ZNF474: variants seen among roughly 807,000 people sequenced by gnomAD.
ZNF474 encodes zinc finger protein 474.
For missense variants in ZNF474, 511 were observed against 433.8 expected (o/e 1.18, Z -1.58); for synonymous variants, 192 against 162.2 (o/e 1.18, Z -1.39).
chr5:122,140,043 G>GT (rs1755797135), intron 1 of ZNF474, among the ~76,000 whole-genome samples: 1 of 152,160 alleles, frequency 6.6e-6, no homozygotes, highest in East Asian at 1.9e-4. Context: ...CCTAGAAGCT[G>GT]GGCTAACCAC....
chr5:122,141,275 C>T (rs566404766), intron 1 of ZNF474, among the ~76,000 whole-genome samples: 5 of 148,198 alleles, frequency 3.4e-5, no homozygotes, highest in Non-Finnish European at 5.9e-5. Flanking sequence ...TTCAGACACC[C>T]GAGTAGCTGG....
At chr5:122,138,517 T>C (rs1223937152) in intron 1 of ZNF474, among the ~76,000 whole-genome samples, 1 of 152,172 alleles carries the variant, frequency 6.6e-6, no homozygotes, top group African/African-American at 2.4e-5. Flanking sequence ...CGAAGAGTAG[T>C]GAGGACTGGA....
chr5:122,153,158 C>T lies in ZNF474; in HGVS notation c.*73C>T. ...TATTTTTTCTATCAATGCCTTGTAT[C>T]AGCCTCAAAGCAGCCTGTTCAAGTT... On this transcript the variant is annotated 3_prime_UTR_variant, in exon 2 of 2. Coordinates refer to ENST00000296600, the MANE Select transcript of ZNF474 (RefSeq NM_207317.3). The T allele has an allele frequency of 6.5e-7, 1 of 1,530,810 alleles. No homozygotes were observed. Among genetic ancestry groups the T allele is most frequent in the Non-Finnish European group, 8.8e-7 (1 of 1,141,494 alleles). The allele number at this position is 1,530,810 out of a possible 1,614,324, so 94.8% of individuals were successfully genotyped here.
chr5:122,148,857 C>T (rs1208356374), intron 1 of ZNF474, among the ~76,000 whole-genome samples: 1 of 151,944 alleles, frequency 6.6e-6, no homozygotes, highest in Non-Finnish European at 1.5e-5. Context: ...CTGTCTCAGC[C>T]TCCTGAGTAG....
chr5:122,142,524 G>A (rs1755873248), intron 1 of ZNF474, among the ~76,000 whole-genome samples: 1 of 152,138 alleles, frequency 6.6e-6, no homozygotes, highest in South Asian at 2.1e-4. Context: ...CACATTGCAT[G>A]TTTGTTTGGG....
At chr5:122,148,113 A>G (rs1756038897) in intron 1 of ZNF474, 1 of 152,214 alleles carries the variant, frequency 6.6e-6, no homozygotes, top group South Asian at 2.1e-4. Flanking sequence ...AAGTATATGC[A>G]TTTAGTATTT....
In ZNF474 at chr5:122,151,848, T is replaced by G; in HGVS notation, c.-143T>G. 1.0e-6 allele frequency: 1 copy of G among 983,964 alleles called. No individual in the cohort carries two copies. The highest frequency in any genetic ancestry group is 2.5e-5 in the East Asian group (1 of 40,066). The allele number at this position is 983,964 out of a possible 1,614,324, so 61.0% of individuals were successfully genotyped here. ...AGACTGCCGTCCTGCAATGAAGCTC[T>G]GAGTCACGGTCTGTGAGGCTAAGGT... On this transcript the variant is annotated 5_prime_UTR_variant, in exon 2 of 2. The change abolishes the stop of an existing upstream ORF in the 5' untranslated region. Coordinates refer to ENST00000296600, the MANE Select transcript of ZNF474 (RefSeq NM_207317.3).
At chr5:122,130,664 C>A (rs1755554282) in intron 1 of ZNF474, among the ~76,000 whole-genome samples, 1 of 152,012 alleles carries the variant, frequency 6.6e-6, no homozygotes, top group South Asian at 2.1e-4. Context: ...TATTTTTCTC[C>A]TAATTTTATT....
At chr5:122,137,446 CAAAAAAAAAAAAAAA>C (rs1166694085) in intron 1 of ZNF474, among the ~76,000 whole-genome samples, 4 of 11,612 alleles carry the variant, frequency 3.4e-4, no homozygotes, top group East Asian at 2.9e-3. Context: ...GACTCTGTCT[CAAAAAAAAAAAAAAA>C]AAAAAAAAAA....
At position 122,152,611 on chromosome 5, in the gene ZNF474, C is replaced by A. The variant is rs762489183; in HGVS notation, c.621C>A (p.Gly207=). The A allele has an allele frequency of 6.2e-6, 10 of 1,614,074 alleles. No individual in the cohort carries two copies. The African/African-American group carries it at 8.0e-5, about 13-fold the overall frequency. ...PHSNSSDHLT[G]LKKACSGTPA... ...CAAACAGTTCTGATCATCTTACTGG[C>A]CTCAAGAAAGCTTGTAGTGGAACCC... The change falls in exon 2 of 2, where the codon GGC becomes GGA. Residue 207 remains glycine (G), a synonymous_variant. Transcript: ENST00000296600.
intron 1 of ZNF474, among the ~76,000 whole-genome samples, chr5:122,131,588 T>C (rs777832843): frequency 1.4e-4 from 21 of 151,988 alleles, no homozygotes; most frequent in Non-Finnish European, 2.9e-4. Flanking sequence ...ATCTCACTTA[T>C]ATGTGGGGAA....
chr5:122,135,541 G>A (rs1435781551), intron 1 of ZNF474, among the ~76,000 whole-genome samples: 1 of 152,162 alleles, frequency 6.6e-6, no homozygotes, highest in Non-Finnish European at 1.5e-5. Context: ...TACACTGTTG[G>A]TAGGAATGTA....
At chr5:122,149,934 A>T (rs1756121159) in intron 1 of ZNF474, among the ~76,000 whole-genome samples, 1 of 149,856 alleles carries the variant, frequency 6.7e-6, no homozygotes, top group African/African-American at 2.5e-5. Flanking sequence ...AGAGAGAGAG[A>T]GAGAGAGGGA....
chr5:122,141,498 G>A (rs1370767319), intron 1 of ZNF474, among the ~76,000 whole-genome samples: 11 of 151,784 alleles, frequency 7.2e-5, no homozygotes, highest in Non-Finnish European at 2.9e-5. Context: ...TAGTAATGAC[G>A]GGATTTTGTC....
chr5:122,148,594 C>T (rs994741029), intron 1 of ZNF474, among the ~76,000 whole-genome samples: 2 of 152,114 alleles, frequency 1.3e-5, no homozygotes, highest in African/African-American at 2.4e-5. Flanking sequence ...TGCCCCATTC[C>T]CCCAACTGGT....
At chr5:122,137,446 C>CA (rs1166694085) in intron 1 of ZNF474, among the ~76,000 whole-genome samples, 2,415 of 11,604 alleles carry the variant, frequency 0.21, 982 homozygotes, top group Non-Finnish European at 0.28. Context: ...GACTCTGTCT[C>CA]AAAAAAAAAA....
chr5:122,145,825 TCA>T (rs960256459), intron 1 of ZNF474, among the ~76,000 whole-genome samples: 8 of 152,244 alleles, frequency 5.3e-5, no homozygotes, highest in African/African-American at 1.9e-4. Context: ...AGCTTGAATA[TCA>T]CAGATTATTA....
At chr5:122,138,889 A>G (rs925920941) in intron 1 of ZNF474, among the ~76,000 whole-genome samples, 2 of 152,176 alleles carry the variant, frequency 1.3e-5, no homozygotes, top group African/African-American at 4.8e-5. Flanking sequence ...TTTTCTTGAC[A>G]ATCAAGTATA....
rs1395457109 is a variant in ZNF474, at chr5:122,152,470, T to A, written c.480T>A (p.Ser160Arg). 1 of 1,614,130 alleles carries A rather than the reference T, an allele frequency of 6.2e-7. No individual in the cohort carries two copies. Among genetic ancestry groups the A allele is most frequent in the Non-Finnish European group, 8.5e-7 (1 of 1,180,016 alleles). ...LQATNEAAFQ[S>R]AQAQLLPCES... The stretch of plus-strand genomic sequence containing the variant: ...CAACTAACGAGGCTGCATTTCAGAG[T>A]GCCCAGGCTCAGCTGCTGCCCTGTG... The change falls in exon 2 of 2, where the codon AGT becomes AGA. Residue 160 changes from serine to arginine, a missense_variant. Ser to Arg is a moderately radical substitution (Grantham distance 110). Coordinates refer to ENST00000296600, the MANE Select transcript of ZNF474 (RefSeq NM_207317.3).
Sources: allele counts gnomAD v4.1 joint callset (sites outside exome capture counted in the v4.1 genomes callset), GRCh38; gene constraint gnomAD v4.1.1; transcripts MANE v1.5; gene names NCBI Gene and HGNC (gene_info 2026-07-23, HGNC 2026-07-21).